TACC2: variants seen among roughly 807,000 people sequenced by gnomAD.
TACC2 encodes transforming acidic coiled-coil-containing protein 2.
In TACC2, 137 loss-of-function variants were observed where a neutral mutation model predicts 227.3. That is an observed-to-expected ratio of 0.60 (90% CI 0.52 to 0.69). TACC2 has a LOEUF of 0.69. TACC2 is among the 30% of genes least tolerant of loss of function. The pLI is 0.00. For synonymous variants in TACC2, 1,523 were observed against 1,487.5 expected, an observed-to-expected ratio of 1.02 and a Z score of -0.55; for missense variants, 3,470 against 3,694.4, an observed-to-expected ratio of 0.94 and a Z score of 1.57.
In TACC2 at chr10:122,011,449, C is replaced by T. The variant is rs1354201242; in HGVS notation, c.-45-10488C>T. ...GGTTCAAGCGATTCTCCTGCCTTAG[C>T]CTCCCGAGTAGCTGGGACTACAGGT... On this transcript the variant is annotated intron_variant, in intron 1 of 22. Transcript: ENST00000369005. 2.0e-5 allele frequency among the ~76,000 whole-genome samples: 3 copies of T among 152,286 alleles called. No individual in the cohort carries two copies. The East Asian group carries it at 5.8e-4, about 29-fold the overall frequency.
chr10:122,157,928 A>G (rs532936092), intron 7 of TACC2, among the ~76,000 whole-genome samples: 1 of 152,164 alleles, frequency 6.6e-6, no homozygotes, highest in East Asian at 1.9e-4. Flanking sequence ...TATGTGTGTT[A>G]CTGATTTTTT....
chr10:122,189,848 C>G (rs532405458), intron 7 of TACC2, among the ~76,000 whole-genome samples: 217 of 152,312 alleles, frequency 1.4e-3, no homozygotes, highest in African/African-American at 4.7e-3. Flanking sequence ...ATTTCCAGCT[C>G]TAGCTGTCAT....
At chr10:122,231,395 A>G (rs2095745791) in intron 16 of TACC2, among the ~76,000 whole-genome samples, 1 of 151,864 alleles carries the variant, frequency 6.6e-6, no homozygotes, top group African/African-American at 2.4e-5. Flanking sequence ...GAGCCTTAGT[A>G]TTGCCGTTCG....
At chr10:122,121,111 G>A (rs2085696225) in intron 5 of TACC2, among the ~76,000 whole-genome samples, 1 of 152,194 alleles carries the variant, frequency 6.6e-6, no homozygotes, top group African/African-American at 2.4e-5. Flanking sequence ...AGAGCCTGGG[G>A]TGCCTGAAGG....
At chr10:122,201,522 A>C (rs947451973) in intron 8 of TACC2, among the ~76,000 whole-genome samples, 7 of 152,218 alleles carry the variant, frequency 4.6e-5, no homozygotes, top group Non-Finnish European at 2.9e-5. Flanking sequence ...TATGGGGAGG[A>C]CGGTGACCTC....
rs530683320 is a variant in TACC2 at position 122,118,441 on chromosome 10, G to T, written c.5574-14168G>T. 2.0e-5 allele frequency among the ~76,000 whole-genome samples: 3 copies of T among 152,222 alleles called. No homozygotes were observed. In the East Asian group the frequency reaches 5.8e-4, roughly 29 times the overall value. On this transcript the variant is annotated intron_variant, in intron 5 of 22. Coordinates refer to ENST00000369005, the MANE Select transcript of TACC2 (RefSeq NM_206862.4). ...CCGTGTGCCAAGGTCTCTCTCTGAC[G>T]GCTAACAACCCCTGCGTCATTGCTC...
At chr10:122,058,959 C>A (rs1029915452) in intron 3 of TACC2, among the ~76,000 whole-genome samples, 2 of 149,904 alleles carry the variant, frequency 1.3e-5, no homozygotes, top group African/African-American at 4.9e-5. Flanking sequence ...GTGGCGCAAT[C>A]TCGGCTCACT....
Position 122,150,387 on chromosome 10 carries a change from C to T in TACC2, c.5834+6681C>T, listed in dbSNP as rs572745367. ...GGGCAGTGTGGGGGCCCTTCTTGCC[C>T]TGAATAGGGGCAGCTGAGGCCAGGA... On this transcript the variant is annotated intron_variant, in intron 7 of 22. Transcript: ENST00000369005. The surrounding 1 kb of genome is among the most constrained non-coding windows in gnomAD (Gnocchi z 4.0). Among the ~76,000 whole-genome samples the T allele has an allele frequency of 9.8e-5, 15 of 152,336 alleles. No individual in the cohort carries two copies. Among genetic ancestry groups the T allele is most frequent in the South Asian group, 6.2e-4 (3 of 4,832 alleles).
intron 3 of TACC2, among the ~76,000 whole-genome samples, chr10:122,056,907 C>A (rs1311822012): frequency 2.0e-5 from 3 of 152,168 alleles, no homozygotes. Context: ...TAAACAAGGG[C>A]TGGGCTGGGC....
chr10:122,183,973 A>T (rs1175914526), intron 7 of TACC2, among the ~76,000 whole-genome samples: 2 of 152,164 alleles, frequency 1.3e-5, no homozygotes, highest in African/African-American at 4.8e-5. Flanking sequence ...GGTGATGGGG[A>T]ATAAATAGGT....
At chr10:122,201,201 G>C (rs34500514) in intron 8 of TACC2, among the ~76,000 whole-genome samples, 7 of 149,262 alleles carry the variant, frequency 4.7e-5, no homozygotes, top group South Asian at 4.3e-4. Context: ...CATCTACAGT[G>C]AGAGGATGGC....
At chr10:122,243,960 A>G (rs2096059533) in intron 19 of TACC2, among the ~76,000 whole-genome samples, 1 of 152,268 alleles carries the variant, frequency 6.6e-6, no homozygotes, top group Non-Finnish European at 1.5e-5. Flanking sequence ...CTTGAAAATT[A>G]AAAGTGGAGA....
intron 22 of TACC2, among the ~76,000 whole-genome samples, chr10:122,250,911 C>CTTTT (rs56383359): frequency 2.1e-5 from 1 of 47,508 alleles, no homozygotes; most frequent in Non-Finnish European, 3.8e-5. Context: ...TATTTTCATT[C>CTTTT]TTTTTTTTTT....
At chr10:122,070,245 A>G (rs2077883895) in intron 3 of TACC2, among the ~76,000 whole-genome samples, 1 of 152,144 alleles carries the variant, frequency 6.6e-6, no homozygotes, top group African/African-American at 2.4e-5. Flanking sequence ...CATTTCCACT[A>G]TGTTCCCTGT....
chr10:122,022,040 G>T, intron 2 of TACC2, 26 bp downstream of exon 2: 1 of 1,613,622 alleles, frequency 6.2e-7, no homozygotes, highest in Non-Finnish European at 8.5e-7. Context: ...CTTCTCTCTC[G>T]AGCTACGTGG....
chr10:122,135,919 C>T (rs915705081), intron 6 of TACC2, among the ~76,000 whole-genome samples: 1 of 152,198 alleles, frequency 6.6e-6, no homozygotes, highest in Non-Finnish European at 1.5e-5. Context: ...CAAATGAGCC[C>T]TAAGCATGAT....
intron 2 of TACC2, among the ~76,000 whole-genome samples, chr10:122,049,597 A>G (rs1193835037): frequency 2.6e-5 from 4 of 152,180 alleles, no homozygotes; most frequent in African/African-American, 9.7e-5. Flanking sequence ...GTGGGGGCAC[A>G]GGGTCGCCGC....
chr10:122,016,062 A>T (rs900639975), intron 1 of TACC2, among the ~76,000 whole-genome samples: 2 of 151,344 alleles, frequency 1.3e-5, no homozygotes, highest in Non-Finnish European at 2.9e-5. Flanking sequence ...GGAATTGGAG[A>T]CCAGCCTGGG....
At chr10:122,107,490 G>A in intron 5 of TACC2, among the ~76,000 whole-genome samples, 1 of 152,108 alleles carries the variant, frequency 6.6e-6, no homozygotes, top group South Asian at 2.1e-4. Flanking sequence ...TTGGGAGGCT[G>A]AGAAAGGAGA....
Sources: allele counts gnomAD v4.1 joint callset (sites outside exome capture counted in the v4.1 genomes callset), GRCh38; gene constraint gnomAD v4.1.1; non-coding constraint Gnocchi (gnomAD v3.1); transcripts MANE v1.5; gene names NCBI Gene and HGNC (gene_info 2026-07-23, HGNC 2026-07-21).